Variants in ATP8A2 observed in about 807,000 individuals in gnomAD.
ATP8A2 encodes phospholipid-transporting ATPase IB.
In ATP8A2, 100 loss-of-function variants were observed where a neutral mutation model predicts 165.6. That is an observed-to-expected ratio of 0.60 (90% CI 0.51 to 0.71). The LOEUF is 0.71. Among genes scored for constraint, ATP8A2 ranks in the 30% least tolerant of loss-of-function variants. The probability of loss-of-function intolerance (pLI) is 0.00; values close to 1 mark genes in which losing one functional copy is unlikely to be tolerated. For missense variants in ATP8A2, 1,227 were observed against 1,479.5 expected (o/e 0.83, Z 2.80); for synonymous variants, 543 against 548.8 (o/e 0.99, Z 0.15).
At chr13:25,514,674 G>A (rs570438855) in intron 2 of ATP8A2, among the ~76,000 whole-genome samples, 1 of 152,180 alleles carries the variant, frequency 6.6e-6, no homozygotes, top group South Asian at 2.1e-4. Context: ...ATCTTGTGGG[G>A]TTCCTCCAGA....
chr13:25,637,532 G>A (rs936586086), intron 24 of ATP8A2, among the ~76,000 whole-genome samples: 1 of 152,166 alleles, frequency 6.6e-6, no homozygotes, highest in South Asian at 2.1e-4. Context: ...GTCTGAGATC[G>A]AATTGCAAGA....
rs1425470927 is a variant in ATP8A2, at chr13:25,399,653, C to T, written c.76+27365C>T. ...TCCTGACCTCGTGATCCGCCCGCCT[C>T]GGCCTCCCAAAGTGCTGGGATTACA... On this transcript the variant is annotated intron_variant, in intron 1 of 36. Transcript: ENST00000381655. 4.0e-5 allele frequency among the ~76,000 whole-genome samples: 6 copies of T among 149,748 alleles called. 1 individual carries two copies. In the South Asian group the frequency reaches 1.1e-3, roughly 27 times the overall value.
rs777951631 is a variant in ATP8A2 at position 25,574,771 on chromosome 13, T to C, written c.1663-37T>C. On this transcript the variant is annotated intron_variant, in intron 18 of 36. Transcript: ENST00000381655. ...ACAATTGCTTTGAGATTTTAATACT[T>C]TGCACCTCGGTTAAGAGCCTATTTT... 8 of 1,246,378 alleles carry C rather than the reference T, an allele frequency of 6.4e-6. No homozygotes were observed. In the South Asian group the frequency reaches 9.6e-5, roughly 15 times the overall value. 77.2% of individuals were successfully genotyped at this position (1,246,378 alleles called of 1,614,324 possible).
At chr13:25,595,043 T>TATATAA (rs557565524) in intron 24 of ATP8A2, among the ~76,000 whole-genome samples, 2 of 150,744 alleles carry the variant, frequency 1.3e-5, no homozygotes, top group African/African-American at 2.4e-5. Flanking sequence ...TATATATATA[T>TATATAA]AATGGAATAC....
intron 28 of ATP8A2, among the ~76,000 whole-genome samples, chr13:25,835,003 TA>T (rs1478182867): frequency 1.3e-5 from 2 of 149,808 alleles, no homozygotes; most frequent in African/African-American, 4.9e-5. Context: ...TGTGTGTGTG[TA>T]GTATGGTATA....
At chr13:25,627,731 AGATGGAACTGAAAGTAT>A (rs763886993) in intron 24 of ATP8A2, among the ~76,000 whole-genome samples, 45 of 152,324 alleles carry the variant, frequency 3.0e-4, no homozygotes, top group Non-Finnish European at 5.0e-4. Flanking sequence ...GAGCAGACCG[AGATGGAACTGAAAGTAT>A]TGTCATTAAC....
At chr13:25,633,104 C>A (rs924663475) in intron 24 of ATP8A2, among the ~76,000 whole-genome samples, 1 of 152,200 alleles carries the variant, frequency 6.6e-6, no homozygotes, top group Non-Finnish European at 1.5e-5. Flanking sequence ...TCTACTTGAT[C>A]CCTGTTAGCA....
intron 33 of ATP8A2, among the ~76,000 whole-genome samples, chr13:25,898,593 T>G (rs896993355): frequency 6.6e-6 from 1 of 152,178 alleles, no homozygotes; most frequent in Non-Finnish European, 1.5e-5. Flanking sequence ...GTTATTGCTG[T>G]CTTTTGTTTG....
At chr13:25,766,758 C>T (rs2044499113) in intron 25 of ATP8A2, among the ~76,000 whole-genome samples, 1 of 152,216 alleles carries the variant, frequency 6.6e-6, no homozygotes, top group African/African-American at 2.4e-5. Flanking sequence ...CCTGCACACC[C>T]AGTTGGGAAC....
At chr13:25,664,321 T>C (rs2042108144) in intron 24 of ATP8A2, among the ~76,000 whole-genome samples, 1 of 152,156 alleles carries the variant, frequency 6.6e-6, no homozygotes, top group Non-Finnish European at 1.5e-5. Flanking sequence ...TTGATTAGGT[T>C]GTAAGAGAGA....
chr13:25,621,256 A>G (rs1220744794), intron 24 of ATP8A2, among the ~76,000 whole-genome samples: 2 of 152,216 alleles, frequency 1.3e-5, no homozygotes, highest in Non-Finnish European at 2.9e-5. Context: ...TTTGTGAACA[A>G]ATACGTATGA....
At chr13:25,856,631 A>C in intron 30 of ATP8A2, among the ~76,000 whole-genome samples, 1 of 152,188 alleles carries the variant, frequency 6.6e-6, no homozygotes. Context: ...TAACATTTTA[A>C]GCATACAATT....
chr13:25,794,859 A>ACACACACACACACACACACC (rs1378534914), intron 27 of ATP8A2, among the ~76,000 whole-genome samples: 1 of 143,604 alleles, frequency 7.0e-6, no homozygotes, highest in African/African-American at 2.6e-5. Context: ...ACACACACAC[A>ACACACACACACACACACACC]CCTTCTCTCT....
chr13:25,705,727 C>T (rs1364675784), intron 25 of ATP8A2, among the ~76,000 whole-genome samples: 3 of 152,140 alleles, frequency 2.0e-5, no homozygotes, highest in African/African-American at 7.2e-5. Context: ...AAGAAAATGG[C>T]ATTCACAATC....
At chr13:25,720,167 C>CTT (rs1007404557) in intron 25 of ATP8A2, among the ~76,000 whole-genome samples, 25 of 117,258 alleles carry the variant, frequency 2.1e-4, no homozygotes, top group Admixed American at 4.4e-4. Flanking sequence ...TATACTTTTT[C>CTT]TTTTTTTTTT....
At chr13:25,749,275 G>C (rs1366113911) in intron 25 of ATP8A2, among the ~76,000 whole-genome samples, 2 of 152,148 alleles carry the variant, frequency 1.3e-5, no homozygotes, top group East Asian at 1.9e-4. Context: ...GGCATGGGCT[G>C]AGTATTCTGA....
At chr13:25,727,857 A>G (rs930196383) in intron 25 of ATP8A2, among the ~76,000 whole-genome samples, 1 of 152,192 alleles carries the variant, frequency 6.6e-6, no homozygotes, top group African/African-American at 2.4e-5. Flanking sequence ...TGCGAAATCT[A>G]CATATGGAAA....
intron 25 of ATP8A2, among the ~76,000 whole-genome samples, chr13:25,707,281 T>C (rs1332784987): frequency 6.6e-6 from 1 of 152,208 alleles, no homozygotes; most frequent in Non-Finnish European, 1.5e-5. Flanking sequence ...CATTTAGAAA[T>C]GGAGGGCAAT....
At chr13:25,501,614 C>T (rs947609505) in intron 2 of ATP8A2, among the ~76,000 whole-genome samples, 1 of 152,088 alleles carries the variant, frequency 6.6e-6, no homozygotes, top group African/African-American at 2.4e-5. Context: ...GGGGCCAGAG[C>T]GTTAGGGTAC....
Sources: allele counts gnomAD v4.1 joint callset (sites outside exome capture counted in the v4.1 genomes callset), GRCh38; gene constraint gnomAD v4.1.1; transcripts MANE v1.5; gene names NCBI Gene and HGNC (gene_info 2026-07-23, HGNC 2026-07-21).